The following CDK20 variants were observed in gnomAD, a reference collection of about 807,000 sequenced individuals.
The protein encoded by CDK20 is cyclin dependent kinase 20.
A neutral mutation model predicts 38.6 loss-of-function variants in CDK20; 40 were observed. The observed-to-expected ratio is 1.04, with a 90% CI of 0.81 to 1.35. The LOEUF is 1.35. Among genes scored for constraint, CDK20 ranks in the 40% most tolerant of loss-of-function variants. The probability of loss-of-function intolerance (pLI) is 0.00; values close to 1 mark genes in which losing one functional copy is unlikely to be tolerated. For synonymous variants in CDK20, 209 were observed against 185.7 expected, an observed-to-expected ratio of 1.13 and a Z score of -1.02; for missense variants, 512 against 452.6, an observed-to-expected ratio of 1.13 and a Z score of -1.19.
intron 7 of CDK20, 155 bp from the exon 8 acceptor site, chr9:87,967,814 G>A: frequency 1.6e-6 from 1 of 630,610 alleles, no homozygotes; most frequent in Non-Finnish European, 2.6e-6. Context: ...TCCAGAAGCT[G>A]GGAACATAGC....
At position 87,967,568 on chromosome 9, in the gene CDK20, T is replaced by C; in HGVS notation, c.935A>G (p.Lys312Arg). Residue 312 changes from lysine to arginine, a missense_variant, in exon 8 of 8, where the codon AAG (lysine) becomes AGG (arginine). Transcript: ENST00000325303. ...IPQRLGGPAP[K>R]AHPGPPHIHD... ...GATGTGGGGGGGCCCTGGATGGGCC[T>C]TGGGGGCAGGTCCCCCTAGACGCTG... is the stretch of plus-strand genomic sequence containing the variant. 6.5e-7 allele frequency: 1 copy of C among 1,549,930 alleles called. No homozygotes were observed.
At chr9:87,969,592 T>G in intron 6 of CDK20, 1 of 841,962 alleles carries the variant, frequency 1.2e-6, no homozygotes. Context: ...TGTACTGGGG[T>G]GAAAAGGGAC....
In CDK20 at chr9:87,974,453, G is replaced by T. The variant is rs747666575; in HGVS notation, c.-7C>A. ...GGATGCAGTACTGGTCCATCCCGCT[G>T]CAGTCGTGGGCCTGTGCCCCTGTGC... On this transcript the variant is annotated 5_prime_UTR_variant, in exon 1 of 8. Transcript: ENST00000325303. 2.5e-6 allele frequency: 4 copies of T among 1,610,200 alleles called. No individual in the cohort carries two copies. In the Admixed American group the frequency reaches 6.7e-5, roughly 27 times the overall value.
At position 87,970,550 on chromosome 9, in the gene CDK20, C is replaced by T. The variant is rs772913759; in HGVS notation, c.563+18G>A. On this transcript the variant is annotated intron_variant, in intron 5 of 7. Transcript: ENST00000325303. Reference sequence around the variant, plus strand: ...TCCATGAGCCATGTTACCCTTTGACCACCCACAGGGGTCTCACCACAGATC... The same window carrying T: ...TCCATGAGCCATGTTACCCTTTGACTACCCACAGGGGTCTCACCACAGATC... The T allele has an allele frequency of 6.2e-6, 10 of 1,609,346 alleles. No homozygotes were observed. In the Admixed American group the frequency reaches 1.3e-4, roughly 22 times the overall value.
At chr9:87,969,142 G>C in intron 7 of CDK20, 52 bp downstream of exon 7, 1 of 1,595,136 alleles carries the variant, frequency 6.3e-7, no homozygotes, top group South Asian at 1.1e-5. Context: ...CAGAGTACCA[G>C]GGTGATGGGG....
intron 2 of CDK20, among the ~76,000 whole-genome samples, chr9:87,972,722 G>C (rs991828365): frequency 1.3e-5 from 2 of 152,232 alleles, no homozygotes; most frequent in Non-Finnish European, 2.9e-5. Context: ...CAAATCTAGA[G>C]TATGTTTTAA....
In CDK20 at chr9:87,967,341, G is replaced by T. The variant is rs1322917319; in HGVS notation, c.*121C>A. On this transcript the variant is annotated 3_prime_UTR_variant, in exon 8 of 8. Transcript: ENST00000325303. ...ACCCTCGCAAGGGCTAAGGGGCAGG[G>T]TGTGGTGTGGGCCCACTGTGGCCAT... The T allele has an allele frequency of 1.0e-6, 1 of 953,998 alleles. No homozygotes were observed. The highest frequency in any genetic ancestry group is 1.4e-5 in the South Asian group (1 of 71,608). The allele number at this position is 953,998 out of a possible 1,614,324, so 59.1% of individuals were successfully genotyped here.
In CDK20 at chr9:87,973,972, G is replaced by C. The variant is rs767111178; in HGVS notation, c.139C>G (p.Gln47Glu). Residue 47 changes from glutamine to glutamate, a missense_variant, in exon 2 of 8, where the codon CAG becomes GAG. Coordinates refer to ENST00000325303, the MANE Select transcript of CDK20 (RefSeq NM_001039803.3). ...LRRLEDGFPN[Q>E]ALREIKALQE... The stretch of plus-strand genomic sequence containing the variant: ...AGAGCCTTAATCTCCCGCAGGGCCT[G>C]GTTAGGGAAGCCGTCCTCCAACCGC... 1.2e-6 allele frequency: 2 copies of C among 1,614,168 alleles called. No individual in the cohort carries two copies. The highest frequency in any genetic ancestry group is 1.7e-6 in the Non-Finnish European group (2 of 1,180,002).
Position 87,967,152 on chromosome 9 carries a change from T to G in CDK20, c.*310A>C. On this transcript the variant is annotated 3_prime_UTR_variant, in exon 8 of 8. Transcript: ENST00000325303. Reference sequence around the variant, plus strand: ...AGCAGCACCAAGGCAGGCATCGTCATTCTGCATATGCAGGCCTTGACTGGC... The same window carrying G: ...AGCAGCACCAAGGCAGGCATCGTCAGTCTGCATATGCAGGCCTTGACTGGC... The G allele has an allele frequency of 1.6e-6, 1 of 627,048 alleles. No homozygotes were observed. Among genetic ancestry groups the G allele is most frequent in the Non-Finnish European group, 3.0e-6 (1 of 329,782 alleles). 38.8% of individuals were successfully genotyped at this position (627,048 alleles called of 1,614,324 possible). A position where few individuals can be genotyped will look rare whatever the true frequency, so the allele number is the denominator to read the frequency against.
At chr9:87,969,030 C>T (rs757668739) in intron 7 of CDK20, 164 bp downstream of exon 7, 36 of 771,084 alleles carry the variant, frequency 4.7e-5, no homozygotes, top group African/African-American at 3.5e-4. Context: ...CACACCTGCT[C>T]CAAGGCCCCT....
intron 2 of CDK20, among the ~76,000 whole-genome samples, chr9:87,973,151 C>T (rs28364939): frequency 0.018 from 2,812 of 152,284 alleles, 88 homozygotes; most frequent in African/African-American, 0.063. Flanking sequence ...AGACCCAACC[C>T]TGTTAACTCT....
At position 87,967,293 on chromosome 9, in the gene CDK20, A is replaced by T. The variant is rs762595945; in HGVS notation, c.*169T>A. 39 of 728,420 alleles carry T rather than the reference A, an allele frequency of 5.4e-5. No individual in the cohort carries two copies. Among genetic ancestry groups the T allele is most frequent in the Middle Eastern group, 4.5e-4 (2 of 4,432 alleles). The allele number at this position is 728,420 out of a possible 1,614,324, so 45.1% of individuals were successfully genotyped here. On this transcript the variant is annotated 3_prime_UTR_variant, in exon 8 of 8. Coordinates refer to ENST00000325303, the MANE Select transcript of CDK20 (RefSeq NM_001039803.3). ...GATGTTCTCATACTCTTGGCTGGGA[A>T]CATGACCTCTGCCTCGAGACCAACC...
rs896752676 is a variant in CDK20 at position 87,966,986 on chromosome 9, G to C, written c.*476C>G. The C allele has an allele frequency of 6.5e-6, 3 of 461,418 alleles. No individual in the cohort carries two copies. Among genetic ancestry groups the C allele is most frequent in the Non-Finnish European group, 1.3e-5 (3 of 227,834 alleles). The allele number at this position is 461,418 out of a possible 1,614,324, so 28.6% of individuals were successfully genotyped here. On this transcript the variant is annotated 3_prime_UTR_variant, in exon 8 of 8. Transcript: ENST00000325303. ...AAGGCAGAGCCACCTGAGGTTTTTA[G>C]AATCTATATCTCACATACTGAACTA... is the stretch of plus-strand genomic sequence containing the variant.
chr9:87,966,899 G>A lies in CDK20; in HGVS notation c.*563C>T, dbSNP rs1829469113. The A allele has an allele frequency of 2.4e-5, 9 of 378,146 alleles. No homozygotes were observed. In the Middle Eastern group the frequency reaches 3.1e-3, roughly 129 times the overall value. 23.4% of individuals were successfully genotyped at this position (378,146 alleles called of 1,614,324 possible). On this transcript the variant is annotated 3_prime_UTR_variant, in exon 8 of 8. Transcript: ENST00000325303. ...ACCCTCCCCATGACCCCAAAAACGA[G>A]AGCCATGAGACAATGCCACCTTAGC...
chr9:87,972,381 A>G (rs1296398632), intron 2 of CDK20, among the ~76,000 whole-genome samples: 30 of 152,122 alleles, frequency 2.0e-4, no homozygotes, highest in Admixed American at 2.0e-3. Context: ...GCCAGCACAG[A>G]AGGAGGCTAG....
chr9:87,969,457 C>T (rs1829694764), intron 6 of CDK20, 108 bp from the exon 7 acceptor site: 4 of 1,217,126 alleles, frequency 3.3e-6, no homozygotes, highest in Admixed American at 2.0e-5. Flanking sequence ...GGGGGGTGCT[C>T]TCCCATCCAT....
Position 87,967,589 on chromosome 9 carries a change from C to T in CDK20, c.914G>A (p.Arg305His), listed in dbSNP as rs376253655. 28 of 1,535,590 alleles carry T rather than the reference C, an allele frequency of 1.8e-5. No individual in the cohort carries two copies. The highest frequency in any genetic ancestry group is 1.6e-4 in the South Asian group (13 of 81,842). ...GGCCTTGGGGGCAGGTCCCCCTAGA[C>T]GCTGAGGAATCGGCAGCTCAGATGG... ...AHPSELPIPQ[R>H]LGGPAPKAHP... Residue 305 changes from arginine to histidine, a missense_variant, in exon 8 of 8, where the codon CGT (arginine) becomes CAT (histidine). Arg to His is a conservative substitution (Grantham distance 29, BLOSUM62 0). Transcript: ENST00000325303.
intron 2 of CDK20, among the ~76,000 whole-genome samples, chr9:87,973,436 C>G (rs981194778): frequency 6.6e-6 from 1 of 152,100 alleles, no homozygotes; most frequent in African/African-American, 2.4e-5. Context: ...AATGGACTCT[C>G]AATCAAACCT....
chr9:87,969,785 C>A lies in CDK20; in HGVS notation c.687+11G>T. The A allele has an allele frequency of 1.2e-6, 2 of 1,613,568 alleles. No homozygotes were observed. Among genetic ancestry groups the A allele is most frequent in the Middle Eastern group, 1.7e-4 (1 of 6,058 alleles). On this transcript the variant is annotated intron_variant, in intron 6 of 7. Transcript: ENST00000325303. The stretch of plus-strand genomic sequence containing the variant: ...TGCCCCACACCCACCTCACCAAGGG[C>A]CCCTACAAACCGGCCAGACTTGAGG...
Sources: allele counts gnomAD v4.1 joint callset (sites outside exome capture counted in the v4.1 genomes callset), GRCh38; gene constraint gnomAD v4.1.1; transcripts MANE v1.5; gene names NCBI Gene and HGNC (gene_info 2026-07-23, HGNC 2026-07-21).